Variants in EIF4E observed in about 807,000 individuals in gnomAD.
The protein encoded by EIF4E is eukaryotic translation initiation factor 4E, also known as eIF-4F 25 kDa subunit.
For synonymous variants in EIF4E, 71 were observed against 88.5 expected, an observed-to-expected ratio of 0.80 and a Z score of 1.11; for missense variants, 113 against 265.6, an observed-to-expected ratio of 0.43 and a Z score of 3.99.
At chr4:98,915,356 A>AGAGAACACCTAGTTGTT (rs1725332454) in intron 1 of EIF4E, among the ~76,000 whole-genome samples, 1 of 152,180 alleles carries the variant, frequency 6.6e-6, no homozygotes, top group Non-Finnish European at 1.5e-5. Flanking sequence ...AAATATTACC[A>AGAGAACACCTAGTTGTT]GAGAACACCT....
chr4:98,912,042 CAGG>C (rs1725166096), intron 1 of EIF4E, among the ~76,000 whole-genome samples: 1 of 151,702 alleles, frequency 6.6e-6, no homozygotes, highest in South Asian at 2.1e-4. Context: ...ATCACGAGGT[CAGG>C]AGTTCAAGAC....
rs760614564 is a variant in EIF4E, at chr4:98,885,064, TA to T, written c.400-4del. The T allele has an allele frequency of 8.7e-5, 139 of 1,605,306 alleles. No homozygotes were observed. The highest frequency in any genetic ancestry group is 1.6e-4 in the Middle Eastern group (1 of 6,062). ...GATTCTCCAATAAGGCACAGAAGCT[TA>T]AAAAAAAATCCCAAATTACATTTAA... is the stretch of plus-strand genomic sequence containing the variant. On this transcript the variant is annotated splice_region_variant and splice_polypyrimidine_tract_variant and intron_variant, in intron 5 of 6. Coordinates refer to ENST00000450253, the MANE Select transcript of EIF4E (RefSeq NM_001968.5).
At chr4:98,888,083 A>T in intron 3 of EIF4E, 131 bp from the exon 4 acceptor site, 1 of 782,728 alleles carries the variant, frequency 1.3e-6, no homozygotes, top group Non-Finnish European at 2.0e-6. Flanking sequence ...GTTTCTAAGG[A>T]GTCAATTTCT....
At chr4:98,928,001 T>C (rs1177671004) in intron 1 of EIF4E, among the ~76,000 whole-genome samples, 1 of 152,038 alleles carries the variant, frequency 6.6e-6, no homozygotes, top group Non-Finnish European at 1.5e-5. Context: ...TTTAAAATGG[T>C]GCCTAAATTG....
intron 2 of EIF4E, among the ~76,000 whole-genome samples, chr4:98,897,982 T>C (rs953033708): frequency 1.3e-5 from 2 of 152,166 alleles, no homozygotes; most frequent in Non-Finnish European, 2.9e-5. Flanking sequence ...CCATTCCAGA[T>C]GCAAGACACT....
chr4:98,927,654 CAAAAAAAAAAAAA>C (rs774720176), intron 1 of EIF4E, among the ~76,000 whole-genome samples: 437 of 35,100 alleles, frequency 0.012, 9 homozygotes, highest in Admixed American at 0.096. Context: ...GACTCCATCT[CAAAAAAAAAAAAA>C]AAAAAAAAAA....
intron 1 of EIF4E, among the ~76,000 whole-genome samples, chr4:98,913,964 C>T (rs569907073): frequency 3.5e-4 from 53 of 151,636 alleles, no homozygotes; most frequent in African/African-American, 1.2e-3. Context: ...CAAACCACGG[C>T]GTTTATGATG....
chr4:98,884,542 A>G (rs756817928), intron 6 of EIF4E, among the ~76,000 whole-genome samples: 1 of 152,124 alleles, frequency 6.6e-6, no homozygotes, highest in Non-Finnish European at 1.5e-5. Context: ...GGTCTCTACT[A>G]AAAATATAAA....
chr4:98,918,192 G>A (rs1263373878), intron 1 of EIF4E, among the ~76,000 whole-genome samples: 8 of 151,722 alleles, frequency 5.3e-5, no homozygotes, highest in Non-Finnish European at 1.2e-4. Context: ...ATGAAACCCT[G>A]TCTCTACTAA....
At chr4:98,886,385 T>C in intron 5 of EIF4E, 1 of 398,546 alleles carries the variant, frequency 2.5e-6, no homozygotes. Flanking sequence ...CAAATGGTAG[T>C]ACACAACAAT....
rs751653561 is a variant in EIF4E, at chr4:98,917,083, A to AACACAC, written c.18+12006_18+12011dup. On this transcript the variant is annotated intron_variant, in intron 1 of 6. Transcript: ENST00000450253. ...TATTTTTATTATTCTACCTTTTCTA[A>AACACAC]ACACACACACACACACACACACACA... 4.4e-3 allele frequency among the ~76,000 whole-genome samples: 457 copies of AACACAC among 102,968 alleles called. 2 individuals carry two copies. Among genetic ancestry groups the AACACAC allele is most frequent in the Admixed American group, 6.3e-3 (55 of 8,748 alleles). The allele number at this position is 102,968 out of a possible 152,430, so 67.6% of individuals were successfully genotyped here.
rs963876014 is a variant in EIF4E, at chr4:98,887,031, G to A, written c.399+48C>T. ...AAAACATAACATATCTTAAGTATCA[G>A]TATTCCAAAACTACCTCTAAAACTG... is the stretch of plus-strand genomic sequence containing the variant. On this transcript the variant is annotated intron_variant, in intron 5 of 6. Transcript: ENST00000450253. This position sits in a 1 kb window ranked among gnomAD's most constrained non-coding sequence, Gnocchi z 4.0. 1 of 1,552,962 alleles carries A rather than the reference G, an allele frequency of 6.4e-7. No homozygotes were observed. Among genetic ancestry groups the A allele is most frequent in the African/African-American group, 1.4e-5 (1 of 73,722 alleles).
chr4:98,926,838 A>G (rs968289260), intron 1 of EIF4E, among the ~76,000 whole-genome samples: 2 of 152,236 alleles, frequency 1.3e-5, no homozygotes, highest in Non-Finnish European at 2.9e-5. Flanking sequence ...ATCAGGAGCT[A>G]TTAATATTTA....
At chr4:98,912,498 C>A (rs2110211530) in intron 1 of EIF4E, among the ~76,000 whole-genome samples, 1 of 151,750 alleles carries the variant, frequency 6.6e-6, no homozygotes, top group South Asian at 2.1e-4. Context: ...ATCGCTTGAA[C>A]CAGGGAATCA....
intron 2 of EIF4E, among the ~76,000 whole-genome samples, chr4:98,899,453 C>G (rs539819657): frequency 1.3e-5 from 2 of 152,048 alleles, no homozygotes; most frequent in Non-Finnish European, 2.9e-5. Flanking sequence ...ATATAGAAAC[C>G]AGGAACTCTC....
rs535150480 is a variant in EIF4E, at chr4:98,882,140, C to T, written c.540-998G>A. Among the ~76,000 whole-genome samples the T allele has an allele frequency of 7.9e-5, 12 of 152,030 alleles. No individual in the cohort carries two copies. The South Asian group carries it at 2.5e-3, about 32-fold the overall frequency. ...GGGCGCGGTGGCTCACGCCTGTAAT[C>T]CCAGCACTTTGGGAGGCCGAGGCGG... is the stretch of plus-strand genomic sequence containing the variant. On this transcript the variant is annotated intron_variant, in intron 6 of 6. Coordinates refer to ENST00000450253, the MANE Select transcript of EIF4E (RefSeq NM_001968.5).
At chr4:98,881,866 G>C (rs72893532) in intron 6 of EIF4E, among the ~76,000 whole-genome samples, 2,761 of 152,200 alleles carry the variant, frequency 0.018, 76 homozygotes, top group African/African-American at 0.062. Context: ...GTAAACATAA[G>C]GGCTGTGATA....
intron 1 of EIF4E, among the ~76,000 whole-genome samples, chr4:98,904,276 T>C (rs1724769468): frequency 1.3e-5 from 2 of 152,102 alleles, no homozygotes; most frequent in African/African-American, 4.8e-5. Flanking sequence ...CCTCAGCAAG[T>C]GAGACCCAGT....
In EIF4E at chr4:98,879,530, T is replaced by A. The variant is rs1723585204; in HGVS notation, c.*1498A>T. On this transcript the variant is annotated 3_prime_UTR_variant, in exon 7 of 7. Coordinates refer to ENST00000450253, the MANE Select transcript of EIF4E (RefSeq NM_001968.5). ...TACCTACAAAGAGTAGATCAAGTTT[T>A]CAAGTTTACAGAATACCATACTACA... 1 of 152,190 alleles carries A rather than the reference T, an allele frequency of 6.6e-6. No homozygotes were observed. The allele number at this position is 152,190 out of a possible 1,614,324, so 9.4% of individuals were successfully genotyped here.
Sources: gnomAD v4.1 joint callset for allele counts (sites outside exome capture counted in the v4.1 genomes callset) on GRCh38, gnomAD v4.1.1 for gene constraint, Gnocchi (gnomAD v3.1) non-coding constraint, MANE v1.5 for transcripts, NCBI Gene and HGNC (gene_info 2026-07-23, HGNC 2026-07-21) for gene names.